Variants in PCDHGB4 observed in about 807,000 individuals in gnomAD.
The protein encoded by PCDHGB4 is protocadherin gamma-B4.
Under a neutral mutation model 60.5 loss-of-function variants are expected in PCDHGB4, and 38 were observed. That is an observed-to-expected ratio of 0.63 (90% CI 0.48 to 0.82). PCDHGB4 has a LOEUF of 0.82. Among genes scored for constraint, PCDHGB4 ranks in the 40% least tolerant of loss-of-function variants. The pLI is 0.00. For synonymous variants in PCDHGB4, 456 were observed against 509.7 expected (o/e 0.89, Z 1.42); for missense variants, 1,109 against 1,209.6 (o/e 0.92, Z 1.23).
At chr5:141,394,530 A>C in intron 1 of PCDHGB4, 1 of 1,614,140 alleles carries the variant, frequency 6.2e-7, no homozygotes, top group African/African-American at 1.3e-5. Flanking sequence ...AGACGGTTCC[A>C]CTGGCGTGGA....
chr5:141,508,721 G>A (rs1266581528), intron 3 of PCDHGB4, among the ~76,000 whole-genome samples: 1 of 151,930 alleles, frequency 6.6e-6, no homozygotes, highest in Non-Finnish European at 1.5e-5. Flanking sequence ...TCTGTGTGCA[G>A]GGAGACTACA....
intron 1 of PCDHGB4, chr5:141,428,599 A>G (rs1324155257): frequency 8.9e-6 from 2 of 223,902 alleles, no homozygotes; most frequent in Non-Finnish European, 1.8e-5. Context: ...AGCAAGCTTC[A>G]CTGAAGAGAA....
chr5:141,419,845 G>A, intron 1 of PCDHGB4: 3 of 1,614,064 alleles, frequency 1.9e-6, no homozygotes, highest in Non-Finnish European at 2.5e-6. Context: ...CGCTGCACCT[G>A]GTGTTCGCAG....
chr5:141,432,191 G>C lies in PCDHGB4; in HGVS notation c.2397+41910G>C. 2.5e-6 allele frequency: 4 copies of C among 1,614,110 alleles called. No individual in the cohort carries two copies. Among genetic ancestry groups the C allele is most frequent in the Non-Finnish European group, 3.4e-6 (4 of 1,180,026 alleles). On this transcript the variant is annotated intron_variant, in intron 1 of 3. Coordinates refer to ENST00000519479, the MANE Select transcript of PCDHGB4 (RefSeq NM_003736.4). The surrounding 1 kb of genome is among the most constrained non-coding windows in gnomAD (Gnocchi z 6.0). ...TTCCCTCGTCTCTGTGACCGCCCAC[G>C]ACCCCGACTGTGAAGAGAACGCCCA... is the stretch of plus-strand genomic sequence containing the variant.
rs576318312 is a variant in PCDHGB4, at chr5:141,410,171, A to G, written c.2397+19890A>G. On this transcript the variant is annotated intron_variant, in intron 1 of 3. Coordinates refer to ENST00000519479, the MANE Select transcript of PCDHGB4 (RefSeq NM_003736.4). ...CGGTGGACAGCCGCCACTCTCTGCCACCGCCACGCTTCATCTGGTCTTCGC... is the reference window on the plus strand; with the variant it reads ...CGGTGGACAGCCGCCACTCTCTGCCGCCGCCACGCTTCATCTGGTCTTCGC... 181 of 1,613,780 alleles carry G rather than the reference A, an allele frequency of 1.1e-4. 1 individual carries two copies. The East Asian group carries it at 4.0e-3, about 36-fold the overall frequency.
At position 141,490,448 on chromosome 5, in the gene PCDHGB4, A is replaced by C. The variant is rs1309104827; in HGVS notation, c.2398-4359A>C. 1 of 1,614,206 alleles carries C rather than the reference A, an allele frequency of 6.2e-7. No homozygotes were observed. Among genetic ancestry groups the C allele is most frequent in the Admixed American group, 1.7e-5 (1 of 60,030 alleles). ...TTTCAGATTAAGCCTTCTGAGAACC[A>C]CTACTCGCTGCTAACCAGCCAGCCT... is the stretch of plus-strand genomic sequence containing the variant. On this transcript the variant is annotated intron_variant, in intron 1 of 3. Coordinates refer to ENST00000519479, the MANE Select transcript of PCDHGB4 (RefSeq NM_003736.4). This position sits in a 1 kb window ranked among gnomAD's most constrained non-coding sequence, Gnocchi z 5.4.
rs1463716042 is a variant in PCDHGB4 at position 141,511,338 on chromosome 5, T to C, written c.*165T>C. 42 of 1,429,834 alleles carry C rather than the reference T, an allele frequency of 2.9e-5. No homozygotes were observed. The highest frequency in any genetic ancestry group is 3.9e-5 in the Non-Finnish European group (42 of 1,075,502). 88.6% of individuals were successfully genotyped at this position (1,429,834 alleles called of 1,614,324 possible). A position where few individuals can be genotyped will look rare whatever the true frequency, so the allele number is the denominator to read the frequency against. On this transcript the variant is annotated 3_prime_UTR_variant, in exon 4 of 4. Coordinates refer to ENST00000519479, the MANE Select transcript of PCDHGB4 (RefSeq NM_003736.4). ...CAGAAACAAGTGCCCAGTCAGCACC[T>C]ACCCCTTCCCCCCCAGGGGGTTGAA... is the stretch of plus-strand genomic sequence containing the variant.
chr5:141,395,750 G>C (rs1308444906), intron 1 of PCDHGB4: 3 of 152,888 alleles, frequency 2.0e-5, no homozygotes, highest in African/African-American at 7.3e-5. Flanking sequence ...TCTTTTCTGA[G>C]CCCTGTTTCT....
intron 1 of PCDHGB4, chr5:141,418,232 G>A (rs1034684988): frequency 6.2e-7 from 1 of 1,614,066 alleles, no homozygotes; most frequent in Non-Finnish European, 8.5e-7. Flanking sequence ...GGTGATTGAG[G>A]ATGTTAATGA....
At position 141,429,460 on chromosome 5, in the gene PCDHGB4, C is replaced by T. The variant is rs528924726; in HGVS notation, c.2397+39179C>T. The stretch of plus-strand genomic sequence containing the variant: ...AAACTCTTGGGCTACAGTAATCCTC[C>T]CACCTCAATCTCCAGAGTAGCTGAG... On this transcript the variant is annotated intron_variant, in intron 1 of 3. Transcript: ENST00000519479. Among the ~76,000 whole-genome samples the T allele has an allele frequency of 1.6e-4, 25 of 151,938 alleles. 1 individual carries two copies. The South Asian group carries it at 4.6e-3, about 28-fold the overall frequency.
chr5:141,421,871 C>CT, intron 1 of PCDHGB4: 1 of 1,613,756 alleles, frequency 6.2e-7, no homozygotes, highest in East Asian at 2.2e-5. Flanking sequence ...CTCCTCACAG[C>CT]TTTAGATGGA....
intron 1 of PCDHGB4, chr5:141,423,138 C>G (rs767107885): frequency 1.2e-6 from 2 of 1,613,606 alleles, no homozygotes; most frequent in Non-Finnish European, 1.7e-6. Flanking sequence ...TGGACAGAGA[C>G]GCGCTCAAGC....
At chr5:141,390,523 G>A in intron 1 of PCDHGB4, 1 of 556,304 alleles carries the variant, frequency 1.8e-6, no homozygotes, top group Non-Finnish European at 3.1e-6. Context: ...AGCAATGAGG[G>A]TGTGGTTTTA....
chr5:141,429,264 A>T (rs1029363907), intron 1 of PCDHGB4: 1 of 151,938 alleles, frequency 6.6e-6, no homozygotes, highest in Non-Finnish European at 1.5e-5. Flanking sequence ...TGAGGAATAA[A>T]TTTTTTTCCT....
At chr5:141,416,620 G>T (rs1395913352) in intron 1 of PCDHGB4, 1 of 152,142 alleles carries the variant, frequency 6.6e-6, no homozygotes, top group Non-Finnish European at 1.5e-5. Flanking sequence ...CATTTCTGCA[G>T]ATCAGAATAT....
At chr5:141,506,213 A>G (rs2154593866) in intron 3 of PCDHGB4, among the ~76,000 whole-genome samples, 1 of 152,204 alleles carries the variant, frequency 6.6e-6, no homozygotes, top group South Asian at 2.1e-4. Flanking sequence ...CACTTTGGGA[A>G]GCTGAGGCAG....
At chr5:141,447,238 C>T (rs1028683423) in intron 1 of PCDHGB4, among the ~76,000 whole-genome samples, 1 of 152,148 alleles carries the variant, frequency 6.6e-6, no homozygotes, top group Non-Finnish European at 1.5e-5. Context: ...CTCCCGGGTT[C>T]AAGTGATTCT....
intron 2 of PCDHGB4, 84 bp downstream of exon 2, chr5:141,494,949 C>A (rs1193148622): frequency 6.2e-7 from 1 of 1,606,850 alleles, no homozygotes; most frequent in Non-Finnish European, 8.5e-7. Context: ...GAGGGCCCAG[C>A]ATTTGCTACA....
intron 1 of PCDHGB4, chr5:141,392,880 C>G (rs779595460): frequency 3.1e-6 from 5 of 1,613,564 alleles, no homozygotes; most frequent in Non-Finnish European, 2.5e-6. Flanking sequence ...GCTGGGAACG[C>G]TGTGGGAAAT....
Sources: gnomAD v4.1 joint callset for allele counts (sites outside exome capture counted in the v4.1 genomes callset) on GRCh38, gnomAD v4.1.1 for gene constraint, Gnocchi (gnomAD v3.1) non-coding constraint, MANE v1.5 for transcripts, NCBI Gene and HGNC (gene_info 2026-07-23, HGNC 2026-07-21) for gene names.